NOL4L: variants seen among roughly 807,000 people sequenced by gnomAD.
The protein encoded by NOL4L is nucleolar protein 4 like, also known as nucleolar protein 4-like.
A neutral mutation model predicts 64.5 loss-of-function variants in NOL4L; 7 were observed. That is an observed-to-expected ratio of 0.11 (90% CI 0.06 to 0.20). The LOEUF (loss-of-function observed/expected upper bound fraction) is 0.20, where lower values mean the gene tolerates loss of function less well. NOL4L is among the 10% of genes least tolerant of loss of function. The pLI is 1.00. For missense variants in NOL4L, 680 were observed against 967.1 expected (o/e 0.70, Z 3.94); for synonymous variants, 413 against 401.0 (o/e 1.03, Z -0.36).
At chr20:32,575,753 T>C (rs1162980662) in intron 1 of NOL4L, among the ~76,000 whole-genome samples, 1 of 152,046 alleles carries the variant, frequency 6.6e-6, no homozygotes, top group Non-Finnish European at 1.5e-5. Flanking sequence ...ATACACATAA[T>C]GTCAGGCAGG....
intron 1 of NOL4L, chr20:32,532,499 A>T (rs2018380296): frequency 1.4e-5 from 5 of 367,510 alleles, no homozygotes; most frequent in Non-Finnish European, 1.9e-5. Context: ...TGGAGGTAAT[A>T]ACCTTCATGC....
intron 4 of NOL4L, among the ~76,000 whole-genome samples, chr20:32,498,572 G>C (rs2016787320): frequency 6.6e-6 from 1 of 151,816 alleles, no homozygotes; most frequent in South Asian, 2.1e-4. Flanking sequence ...AGACCAGCCT[G>C]GGCAACACGT....
rs539223687 is a variant in NOL4L at position 32,514,770 on chromosome 20, G to A, written c.590-3314C>T. On this transcript the variant is annotated intron_variant, in intron 3 of 10. Coordinates refer to ENST00000621426, the MANE Select transcript of NOL4L (RefSeq NM_001256798.2). ...CTAGTGATGACACTGAGATGGTATC[G>A]CTCAGAAGAGCCGTGGGTCCTGTTT... Among the ~76,000 whole-genome samples, 10 of 152,210 alleles carry A rather than the reference G, an allele frequency of 6.6e-5. No individual in the cohort carries two copies. The East Asian group carries it at 9.7e-4, about 15-fold the overall frequency.
intron 5 of NOL4L, among the ~76,000 whole-genome samples, chr20:32,468,400 CCTGCTG>C (rs2014729709): frequency 6.6e-6 from 1 of 152,178 alleles, no homozygotes; most frequent in Non-Finnish European, 1.5e-5. Context: ...TTCCCAGCCC[CCTGCTG>C]CCACGCCTCT....
chr20:32,544,122 C>A (rs2018699804), intron 1 of NOL4L, among the ~76,000 whole-genome samples: 1 of 152,000 alleles, frequency 6.6e-6, no homozygotes, highest in Non-Finnish European at 1.5e-5. Context: ...GTGACACCAT[C>A]CAGAGGATAT....
intron 1 of NOL4L, among the ~76,000 whole-genome samples, chr20:32,584,133 G>GCACACACACACACACACA (rs745461984): frequency 2.8e-4 from 25 of 88,820 alleles, no homozygotes; most frequent in African/African-American, 1.3e-3. Context: ...CTCCGCGCGC[G>GCACACACACACACACACA]CACACACACA....
At position 32,453,716 on chromosome 20, in the gene NOL4L, C is replaced by T. The variant is rs1223509985; in HGVS notation, c.1165G>A (p.Val389Ile). The T allele has an allele frequency of 6.4e-7, 1 of 1,557,898 alleles. No individual in the cohort carries two copies. The highest frequency in any genetic ancestry group is 1.2e-5 in the South Asian group (1 of 84,786). ...SGSYDSIKTEVSGCPEDLTVG... is the reference protein window; with the variant it reads ...SGSYDSIKTEISGCPEDLTVG... ...GTCAGGTCCTCAGGGCAGCCGCTGA[C>T]CTCGGTCTTGATGGAATCGTAGCTC... is the stretch of plus-strand genomic sequence containing the variant. Residue 389 changes from valine (V) to isoleucine (I), a missense_variant, in exon 7 of 11, where the codon GTC (valine) becomes ATC (isoleucine). Physicochemically the swap from Val to Ile is conservative, Grantham distance 29. Around this residue, in one of 4 missense-constraint regions of NOL4L, gnomAD observed 254 missense variants for 238.7 expected, o/e 1.06. Coordinates refer to ENST00000621426, the MANE Select transcript of NOL4L (RefSeq NM_001256798.2). This position sits in a 1 kb window ranked among gnomAD's most constrained non-coding sequence, Gnocchi z 5.6.
At position 32,453,760 on chromosome 20, in the gene NOL4L, G is replaced by T. The variant is rs749152593; in HGVS notation, c.1121C>A (p.Ser374Tyr). The change falls in exon 7 of 11, where the codon TCC becomes TAC. Residue 374 changes from serine (S) to tyrosine (Y), a missense_variant and splice_region_variant. By Grantham distance (144) the Ser-to-Tyr change is moderately radical. This residue lies in a region of NOL4L where 254 missense variants were observed against 238.7 expected (regional missense o/e 1.06). Coordinates refer to ENST00000621426, the MANE Select transcript of NOL4L (RefSeq NM_001256798.2). This position sits in a 1 kb window ranked among gnomAD's most constrained non-coding sequence, Gnocchi z 5.6. ...GTAGCTCCCAGAGCTGTAGGGGGGG[G>T]ACTAAAAGGAGGGCAAGAGGCAGAG... is the stretch of plus-strand genomic sequence containing the variant. ...VKYGVKTTPE[S>Y]PPYSSGSYDS... 33 of 1,552,414 alleles carry T rather than the reference G, an allele frequency of 2.1e-5. No homozygotes were observed. The highest frequency in any genetic ancestry group is 2.7e-5 in the African/African-American group (2 of 73,190).
chr20:32,575,990 G>A lies in NOL4L; in HGVS notation c.321+8580C>T, dbSNP rs188947038. Among the ~76,000 whole-genome samples, 498 of 152,320 alleles carry A rather than the reference G, an allele frequency of 3.3e-3. 6 individuals are homozygous for A. The highest frequency in any genetic ancestry group is 0.011 in the African/African-American group (460 of 41,564). ...GGCCTGGGGCAGGACTGTATTTGGC[G>A]TGTTTGGAGAATAGCAAACAGGCCA... On this transcript the variant is annotated intron_variant, in intron 1 of 10. Coordinates refer to ENST00000621426, the MANE Select transcript of NOL4L (RefSeq NM_001256798.2).
intron 1 of NOL4L, among the ~76,000 whole-genome samples, chr20:32,575,212 C>A (rs1272217286): frequency 6.6e-6 from 1 of 152,152 alleles, no homozygotes; most frequent in African/African-American, 2.4e-5. Flanking sequence ...AGATCTCTCT[C>A]CTCCATCTGG....
chr20:32,458,319 C>T (rs1974030498), intron 5 of NOL4L, among the ~76,000 whole-genome samples: 1 of 152,226 alleles, frequency 6.6e-6, no homozygotes, highest in African/African-American at 2.4e-5. Context: ...AGATGGCAGC[C>T]AGCCTTCAAG....
rs1165521648 is a variant in NOL4L, at chr20:32,474,586, C to T, written c.841+15G>A. 6.2e-7 allele frequency: 1 copy of T among 1,603,682 alleles called. No individual in the cohort carries two copies. Among genetic ancestry groups the T allele is most frequent in the Admixed American group, 1.7e-5 (1 of 59,592 alleles). On this transcript the variant is annotated intron_variant, in intron 5 of 10. Transcript: ENST00000621426. ...GGGCACAGCCCCTCCTCAACTGCCA[C>T]CAAGGGGCACTCACCGTCCTCTTGA...
intron 1 of NOL4L, among the ~76,000 whole-genome samples, chr20:32,544,231 G>C (rs2018701695): frequency 6.6e-6 from 1 of 151,970 alleles, no homozygotes; most frequent in Non-Finnish European, 1.5e-5. Context: ...TGGATCACTG[G>C]GGGAGAGAAG....
At chr20:32,583,157 C>T (rs1218517707) in intron 1 of NOL4L, among the ~76,000 whole-genome samples, 5 of 151,548 alleles carry the variant, frequency 3.3e-5, no homozygotes, top group African/African-American at 1.2e-4. Context: ...GCGCGGTTAT[C>T]AGCGCTCCTC....
chr20:32,490,884 G>T (rs1297631995), intron 4 of NOL4L, among the ~76,000 whole-genome samples: 1 of 152,194 alleles, frequency 6.6e-6, no homozygotes, highest in Non-Finnish European at 1.5e-5. Context: ...CTGGTCTGGC[G>T]TTGGAGGCCC....
At position 32,505,383 on chromosome 20, in the gene NOL4L, T is replaced by G. The variant is rs183673061; in HGVS notation, c.699+5964A>C. On this transcript the variant is annotated intron_variant, in intron 4 of 10. Transcript: ENST00000621426. ...CAAAATGTGGTTAATACAAATACAA[T>G]AAACAAAATGTATGGTTAATACAAT... 1.7e-4 allele frequency among the ~76,000 whole-genome samples: 26 copies of G among 152,232 alleles called. No individual in the cohort carries two copies. In the East Asian group the frequency reaches 4.6e-3, roughly 27 times the overall value.
At position 32,488,221 on chromosome 20, in the gene NOL4L, G is replaced by A. The variant is rs551176936; in HGVS notation, c.700-13479C>T. 4.6e-5 allele frequency among the ~76,000 whole-genome samples: 7 copies of A among 152,278 alleles called. No individual in the cohort carries two copies. In the South Asian group the frequency reaches 6.2e-4, roughly 14 times the overall value. On this transcript the variant is annotated intron_variant, in intron 4 of 10. Coordinates refer to ENST00000621426, the MANE Select transcript of NOL4L (RefSeq NM_001256798.2). ...CCACTATGTTTAACGTGTGTTTAAC[G>A]TAGCATTTGGCACCAAATTTTCCTC...
intron 4 of NOL4L, among the ~76,000 whole-genome samples, chr20:32,505,101 GT>G (rs1318812531): frequency 6.6e-6 from 1 of 152,204 alleles, no homozygotes; most frequent in African/African-American, 2.4e-5. Flanking sequence ...TAAACAGGTT[GT>G]CTAAGTCAGT....
chr20:32,530,434 G>A (rs757289551), intron 1 of NOL4L, among the ~76,000 whole-genome samples: 23 of 152,084 alleles, frequency 1.5e-4, no homozygotes, highest in Non-Finnish European at 2.5e-4. Flanking sequence ...CCGGCTACTC[G>A]GGAGGCTGAG....
Sources: allele counts gnomAD v4.1 joint callset (sites outside exome capture counted in the v4.1 genomes callset), GRCh38; gene constraint gnomAD v4.1.1; regional missense constraint gnomAD v4.1.1; non-coding constraint Gnocchi (gnomAD v3.1); transcripts MANE v1.5; gene names NCBI Gene and HGNC (gene_info 2026-07-23, HGNC 2026-07-21).